LGR5: variants seen among roughly 807,000 people sequenced by gnomAD.
LGR5 encodes the protein leucine rich repeat containing G protein-coupled receptor 5.
A neutral mutation model predicts 76.7 loss-of-function variants in LGR5; 54 were observed. That is an observed-to-expected ratio of 0.70 (90% CI 0.57 to 0.88). LGR5 has a LOEUF of 0.88. Among genes scored for constraint, LGR5 ranks in the 40% least tolerant of loss-of-function variants. The pLI, the probability that LGR5 is intolerant of heterozygous loss-of-function variation, is 0.00. For synonymous variants in LGR5, 406 were observed against 421.9 expected (o/e 0.96, Z 0.46); for missense variants, 1,078 against 1,073.3 (o/e 1.00, Z -0.06).
chr12:71,546,095 C>G (rs1877144202), intron 4 of LGR5, among the ~76,000 whole-genome samples: 1 of 151,990 alleles, frequency 6.6e-6, no homozygotes, highest in Admixed American at 6.6e-5. Context: ...GGCAGATCAC[C>G]TGAGGTCAGG....
intron 4 of LGR5, among the ~76,000 whole-genome samples, chr12:71,542,804 T>A (rs956076376): frequency 6.6e-6 from 1 of 152,112 alleles, no homozygotes; most frequent in Non-Finnish European, 1.5e-5. Flanking sequence ...TCTTGAGCAC[T>A]TGTGTTTGAG....
At chr12:71,498,177 C>T (rs570863306) in intron 1 of LGR5, among the ~76,000 whole-genome samples, 10 of 152,154 alleles carry the variant, frequency 6.6e-5, no homozygotes, top group South Asian at 2.1e-4. Context: ...CAAATAGGAT[C>T]GACTGAAAAG....
intron 4 of LGR5, among the ~76,000 whole-genome samples, chr12:71,545,758 A>G (rs987227130): frequency 2.6e-5 from 4 of 152,170 alleles, no homozygotes; most frequent in South Asian, 4.1e-4. Flanking sequence ...TTTGTGTGAT[A>G]CATTGACAAG....
intron 1 of LGR5, among the ~76,000 whole-genome samples, chr12:71,450,817 C>T (rs1346759075): frequency 6.6e-6 from 1 of 152,138 alleles, no homozygotes; most frequent in Non-Finnish European, 1.5e-5. Flanking sequence ...CGAACACATA[C>T]GCACACACTC....
At chr12:71,502,239 C>T (rs1033189405) in intron 1 of LGR5, among the ~76,000 whole-genome samples, 11 of 147,760 alleles carry the variant, frequency 7.4e-5, no homozygotes, top group Non-Finnish European at 1.5e-4. Flanking sequence ...CTCTTGCTGC[C>T]CAGGCTGGAG....
At chr12:71,535,869 C>T (rs1316411860) in intron 4 of LGR5, among the ~76,000 whole-genome samples, 1 of 152,208 alleles carries the variant, frequency 6.6e-6, no homozygotes, top group Non-Finnish European at 1.5e-5. Flanking sequence ...TACCCCCCTA[C>T]ACACACTGAT....
At chr12:71,520,317 T>C (rs886329513) in intron 2 of LGR5, among the ~76,000 whole-genome samples, 7 of 152,162 alleles carry the variant, frequency 4.6e-5, no homozygotes, top group Admixed American at 1.3e-4. Context: ...AAACATTATA[T>C]GATTCCACTA....
At chr12:71,515,259 AAATT>A (rs1875380288) in intron 2 of LGR5, among the ~76,000 whole-genome samples, 1 of 152,252 alleles carries the variant, frequency 6.6e-6, no homozygotes, top group African/African-American at 2.4e-5. Flanking sequence ...CAACAAAAGC[AAATT>A]AATTAATTGA....
chr12:71,492,570 A>T (rs1228396301), intron 1 of LGR5, among the ~76,000 whole-genome samples: 1 of 152,232 alleles, frequency 6.6e-6, no homozygotes, highest in Non-Finnish European at 1.5e-5. Flanking sequence ...CCTTATAAAC[A>T]TAAGGGTATT....
chr12:71,501,077 A>G (rs17227128), intron 1 of LGR5, among the ~76,000 whole-genome samples: 13,858 of 152,260 alleles, frequency 0.091, 672 homozygotes, highest in Non-Finnish European at 0.11. Context: ...TGGGCAAGAT[A>G]TGTTTTAAAA....
intron 1 of LGR5, among the ~76,000 whole-genome samples, chr12:71,460,260 T>A (rs982794176): frequency 1.3e-5 from 2 of 151,996 alleles, no homozygotes; most frequent in Non-Finnish European, 2.9e-5. Context: ...GAAAAAATGA[T>A]GAAGAGAGAA....
intron 1 of LGR5, among the ~76,000 whole-genome samples, chr12:71,461,464 G>A (rs1299100064): frequency 6.6e-6 from 1 of 152,060 alleles, no homozygotes; most frequent in Non-Finnish European, 1.5e-5. Flanking sequence ...TATCACCATA[G>A]CATCCTCTAT....
At position 71,452,555 on chromosome 12, in the gene LGR5, C is replaced by A. The variant is rs1463310102; in HGVS notation, c.212+12263C>A. On this transcript the variant is annotated intron_variant, in intron 1 of 17. Transcript: ENST00000266674. ...CTTATAATGTGATGACAGAGAGATT[C>A]TTTCCTCTAAATTTGGCAGACTGAT... 3.3e-5 allele frequency among the ~76,000 whole-genome samples: 5 copies of A among 152,320 alleles called. No homozygotes were observed. The East Asian group carries it at 9.6e-4, about 29-fold the overall frequency.
intron 6 of LGR5, among the ~76,000 whole-genome samples, chr12:71,558,316 A>G (rs1877880124): frequency 6.6e-6 from 1 of 151,926 alleles, no homozygotes; most frequent in African/African-American, 2.4e-5. Context: ...TTTTCCCCTC[A>G]ATGTTTGGGG....
At chr12:71,460,712 T>C (rs978915408) in intron 1 of LGR5, among the ~76,000 whole-genome samples, 1 of 152,136 alleles carries the variant, frequency 6.6e-6, no homozygotes, top group African/African-American at 2.4e-5. Context: ...CTGGGATTCC[T>C]CTATAACTTG....
At chr12:71,512,735 CAG>C (rs1421427486) in intron 2 of LGR5, among the ~76,000 whole-genome samples, 2 of 151,488 alleles carry the variant, frequency 1.3e-5, no homozygotes, top group African/African-American at 2.4e-5. Flanking sequence ...AGGACAAAAA[CAG>C]GGAATTCAAG....
chr12:71,539,848 A>G (rs1876788047), intron 4 of LGR5, among the ~76,000 whole-genome samples: 2 of 152,206 alleles, frequency 1.3e-5, no homozygotes. Flanking sequence ...CAGGCCCACA[A>G]GCCAGAGCCC....
intron 2 of LGR5, among the ~76,000 whole-genome samples, chr12:71,521,375 G>C (rs569862983): frequency 6.6e-6 from 1 of 152,184 alleles, no homozygotes; most frequent in Admixed American, 6.5e-5. Flanking sequence ...GGACAGCTCA[G>C]TTCCACAGGG....
intron 8 of LGR5, among the ~76,000 whole-genome samples, chr12:71,563,216 T>A (rs1185287348): frequency 6.6e-6 from 1 of 152,176 alleles, no homozygotes; most frequent in Non-Finnish European, 1.5e-5. Context: ...TGCTCCTGCA[T>A]CTGTTTCCAT....
Sources: gnomAD v4.1 joint callset for allele counts (sites outside exome capture counted in the v4.1 genomes callset) on GRCh38, gnomAD v4.1.1 for gene constraint, MANE v1.5 for transcripts, NCBI Gene and HGNC (gene_info 2026-07-23, HGNC 2026-07-21) for gene names.